MEMO1: variants seen among roughly 807,000 people sequenced by gnomAD.
The protein encoded by MEMO1 is protein MEMO1.
Under a neutral mutation model 45.2 loss-of-function variants are expected in MEMO1, and 6 were observed. That is an observed-to-expected ratio of 0.13 (90% confidence interval 0.07 to 0.26). The LOEUF (loss-of-function observed/expected upper bound fraction) is 0.26. Among genes scored for constraint, MEMO1 ranks in the 10% least tolerant of loss-of-function variants. The pLI is 1.00. For missense variants in MEMO1, 184 were observed against 370.5 expected (o/e 0.50, Z 4.13); for synonymous variants, 78 against 124.3 (o/e 0.63, Z 2.48).
rs145885713 is a variant in MEMO1 at position 31,960,822 on chromosome 2, G to C, written c.62-17439C>G. Among the ~76,000 whole-genome samples the C allele has an allele frequency of 8.3e-3, 1,259 of 152,192 alleles. 25 individuals are homozygous for C. Among genetic ancestry groups the C allele is most frequent in the African/African-American group, 0.028 (1,181 of 41,554 alleles). ...ACTGCTCTTGAGCTCCTGACCTCAA[G>C]TGATCCGCCCGCCTCAGCCTACCAA... On this transcript the variant is annotated intron_variant, in intron 2 of 9. Coordinates refer to ENST00000404530, the MANE Select transcript of MEMO1 (RefSeq NM_001301833.4).
chr2:31,986,436 C>T (rs974030485), intron 2 of MEMO1, among the ~76,000 whole-genome samples: 1 of 152,100 alleles, frequency 6.6e-6, no homozygotes, highest in Non-Finnish European at 1.5e-5. Flanking sequence ...TGCGCCACTG[C>T]ACTGCAGCCT....
At chr2:31,905,857 C>T (rs907875576) in intron 6 of MEMO1, among the ~76,000 whole-genome samples, 1 of 152,164 alleles carries the variant, frequency 6.6e-6, no homozygotes, top group African/African-American at 2.4e-5. Flanking sequence ...CCTGTCACTG[C>T]CTTGGTTCAA....
At chr2:31,915,794 G>A (rs1487816650) in intron 6 of MEMO1, among the ~76,000 whole-genome samples, 1 of 152,128 alleles carries the variant, frequency 6.6e-6, no homozygotes, top group Non-Finnish European at 1.5e-5. Context: ...GGTGTTCTCT[G>A]CCCCAATTCC....
In MEMO1 at chr2:31,932,044, TAAAAC is replaced by T. The variant is rs1189289761; in HGVS notation, c.212+18_212+22del. 3 of 1,603,186 alleles carry T rather than the reference TAAAAC, an allele frequency of 1.9e-6. No individual in the cohort carries two copies. The highest frequency in any genetic ancestry group is 2.6e-6 in the Non-Finnish European group (3 of 1,174,202). On this transcript the variant is annotated intron_variant, in intron 4 of 9. Transcript: ENST00000404530. The stretch of plus-strand genomic sequence containing the variant: ...AATAAATTCTCAAGCTTCTCCGACT[TAAAAC>T]AAAACTACATTACTTACGTAATAGA...
chr2:31,942,495 T>C (rs948383765), intron 3 of MEMO1, among the ~76,000 whole-genome samples: 6 of 152,132 alleles, frequency 3.9e-5, no homozygotes, highest in African/African-American at 1.4e-4. Context: ...TCTGAGGAAA[T>C]AAAGTAGCCA....
intron 8 of MEMO1, among the ~76,000 whole-genome samples, chr2:31,870,642 T>C (rs150377810): frequency 0.011 from 1,620 of 152,278 alleles, 19 homozygotes; most frequent in African/African-American, 0.037. Flanking sequence ...AGTGGTGCGA[T>C]CTCAGCTCAC....
chr2:31,967,815 T>C (rs1572842659), intron 2 of MEMO1, among the ~76,000 whole-genome samples: 1 of 151,668 alleles, frequency 6.6e-6, no homozygotes, highest in South Asian at 2.1e-4. Flanking sequence ...TAGTGGGAGG[T>C]TTTTTCCCCA....
At chr2:31,988,994 T>C (rs536360662) in intron 2 of MEMO1, among the ~76,000 whole-genome samples, 21 of 151,406 alleles carry the variant, frequency 1.4e-4, no homozygotes, top group African/African-American at 4.6e-4. Context: ...ATCACCTGAG[T>C]TCGGGAGTTT....
intron 4 of MEMO1, among the ~76,000 whole-genome samples, chr2:31,927,066 C>T (rs1485069177): frequency 6.6e-6 from 1 of 152,042 alleles, no homozygotes; most frequent in African/African-American, 2.4e-5. Flanking sequence ...TGCGGTGGCT[C>T]ACATCTGTAA....
chr2:31,990,463 T>G (rs1218175415), intron 2 of MEMO1, among the ~76,000 whole-genome samples: 4 of 152,012 alleles, frequency 2.6e-5, no homozygotes, highest in Non-Finnish European at 5.9e-5. Context: ...TGGTTTTTTC[T>G]TTTTTTGAGA....
At chr2:31,932,929 C>T (rs1208516890) in intron 3 of MEMO1, among the ~76,000 whole-genome samples, 1 of 151,974 alleles carries the variant, frequency 6.6e-6, no homozygotes, top group Non-Finnish European at 1.5e-5. Flanking sequence ...CTCTGGTCTC[C>T]GAATTCAGTC....
chr2:31,891,193 G>A (rs1676925112), intron 7 of MEMO1, among the ~76,000 whole-genome samples: 1 of 152,164 alleles, frequency 6.6e-6, no homozygotes, highest in Non-Finnish European at 1.5e-5. Context: ...AAAGAAATAA[G>A]TGATAAATGA....
intron 4 of MEMO1, among the ~76,000 whole-genome samples, chr2:31,927,237 T>C (rs1001324381): frequency 6.6e-6 from 1 of 152,126 alleles, no homozygotes; most frequent in Non-Finnish European, 1.5e-5. Flanking sequence ...GGAGAATCAC[T>C]TGAATCCAGG....
At chr2:31,986,069 C>T (rs1671218459) in intron 2 of MEMO1, among the ~76,000 whole-genome samples, 1 of 152,110 alleles carries the variant, frequency 6.6e-6, no homozygotes, top group African/African-American at 2.4e-5. Flanking sequence ...TCTTTCTTCC[C>T]TTCTCACTAC....
At chr2:31,870,625 G>A (rs1673566128) in intron 8 of MEMO1, among the ~76,000 whole-genome samples, 1 of 152,140 alleles carries the variant, frequency 6.6e-6, no homozygotes, top group South Asian at 2.1e-4. Context: ...CACCCAGGCT[G>A]GAGTGCAGTG....
intron 3 of MEMO1, among the ~76,000 whole-genome samples, chr2:31,939,516 C>A (rs1665362549): frequency 2.6e-5 from 4 of 152,140 alleles, no homozygotes; most frequent in Admixed American, 2.6e-4. Flanking sequence ...GAATACTAAA[C>A]TCAACTTAAT....
chr2:31,904,976 G>C (rs1008870262), intron 6 of MEMO1, among the ~76,000 whole-genome samples: 8 of 152,226 alleles, frequency 5.3e-5, no homozygotes, highest in African/African-American at 1.9e-4. Flanking sequence ...GCTCATGCCT[G>C]TAATCCCAGC....
intron 7 of MEMO1, among the ~76,000 whole-genome samples, chr2:31,885,700 T>G (rs2147955915): frequency 6.6e-6 from 1 of 152,328 alleles, no homozygotes; most frequent in South Asian, 2.1e-4. Flanking sequence ...AGGTTTACAC[T>G]AATACATTCT....
chr2:31,978,894 A>G (rs1670318382), intron 2 of MEMO1, among the ~76,000 whole-genome samples: 1 of 152,126 alleles, frequency 6.6e-6, no homozygotes, highest in Non-Finnish European at 1.5e-5. Flanking sequence ...TTTTTTTCAT[A>G]AGGCAATACT....
Sources: gnomAD v4.1 joint callset for allele counts (sites outside exome capture counted in the v4.1 genomes callset) on GRCh38, gnomAD v4.1.1 for gene constraint, MANE v1.5 for transcripts, NCBI Gene and HGNC (gene_info 2026-07-23, HGNC 2026-07-21) for gene names.